MECOM: variants seen among roughly 807,000 people sequenced by gnomAD.
MECOM encodes the protein MDS1 and EVI1 complex locus.
In MECOM, 13 loss-of-function variants were observed where a neutral mutation model predicts 116.3. The observed-to-expected ratio is 0.11, with a 90% CI of 0.07 to 0.18. MECOM has a LOEUF of 0.18. Ranked by LOEUF, MECOM falls within the 10% of genes least tolerant of loss-of-function variation. MECOM has a pLI of 1.00. For synonymous variants in MECOM, 528 were observed against 535.2 expected (o/e 0.99, Z 0.19); for missense variants, 1,299 against 1,509.0 (o/e 0.86, Z 2.31).
chr3:169,266,344 T>C (rs940374935), intron 2 of MECOM, among the ~76,000 whole-genome samples: 5 of 152,228 alleles, frequency 3.3e-5, no homozygotes, highest in Non-Finnish European at 7.3e-5. Context: ...ATTATGCTAT[T>C]GTTAGTCAAA....
intron 1 of MECOM, among the ~76,000 whole-genome samples, chr3:169,528,140 G>A (rs543509621): frequency 5.0e-4 from 76 of 152,220 alleles, no homozygotes; most frequent in Middle Eastern, 3.4e-3. Flanking sequence ...CCCATAAAAC[G>A]GAAATAATGA....
At chr3:169,107,564 C>G (rs749562419) in intron 10 of MECOM, among the ~76,000 whole-genome samples, 30 of 152,184 alleles carry the variant, frequency 2.0e-4, no homozygotes, top group Non-Finnish European at 2.9e-4. Flanking sequence ...TCAAAAGCAT[C>G]TTTACATGCT....
At chr3:169,272,945 G>A (rs755760265) in intron 2 of MECOM, among the ~76,000 whole-genome samples, 40 of 152,128 alleles carry the variant, frequency 2.6e-4, no homozygotes, top group Non-Finnish European at 8.8e-5. Context: ...GGAAAGAGCT[G>A]GAGCAAGGGT....
chr3:169,535,341 T>C (rs745822017), intron 1 of MECOM, among the ~76,000 whole-genome samples: 1 of 152,124 alleles, frequency 6.6e-6, no homozygotes, highest in African/African-American at 2.4e-5. Flanking sequence ...GTTGCTCCCA[T>C]ACCATTTTTG....
chr3:169,340,710 T>G (rs1215899268), intron 2 of MECOM, among the ~76,000 whole-genome samples: 1 of 152,186 alleles, frequency 6.6e-6, no homozygotes, highest in African/African-American at 2.4e-5. Flanking sequence ...ATTTAGCCAT[T>G]TGTTACTAAA....
chr3:169,630,800 A>G lies in MECOM; in HGVS notation c.37+32536T>C, dbSNP rs1440914795. ...GCAGCATTTTGAATCTTTCTCTACCATGTACTCAGCACCAATTCCATGAGC... is the reference window on the plus strand; with the variant it reads ...GCAGCATTTTGAATCTTTCTCTACCGTGTACTCAGCACCAATTCCATGAGC... On this transcript the variant is annotated intron_variant, in intron 1 of 16. Transcript: ENST00000651503. Among the ~76,000 whole-genome samples the G allele has an allele frequency of 1.1e-4, 17 of 152,306 alleles. No individual in the cohort carries two copies. In the East Asian group the frequency reaches 3.3e-3, roughly 29 times the overall value.
chr3:169,476,539 A>G (rs1353240027), intron 1 of MECOM, among the ~76,000 whole-genome samples: 1 of 152,196 alleles, frequency 6.6e-6, no homozygotes, highest in Non-Finnish European at 1.5e-5. Flanking sequence ...ATCATGGCCA[A>G]GAAATTTACT....
intron 1 of MECOM, among the ~76,000 whole-genome samples, chr3:169,633,974 C>T (rs970340885): frequency 6.6e-6 from 1 of 151,458 alleles, no homozygotes; most frequent in Non-Finnish European, 1.5e-5. Flanking sequence ...AACGGCATGG[C>T]TTGTGTCCAC....
intron 2 of MECOM, among the ~76,000 whole-genome samples, chr3:169,356,985 G>T (rs1029693428): frequency 6.6e-6 from 1 of 151,806 alleles, no homozygotes; most frequent in Non-Finnish European, 1.5e-5. Context: ...AGAGAAAAAT[G>T]ATCACAGAAT....
chr3:169,521,259 C>T (rs2109083998), intron 1 of MECOM, among the ~76,000 whole-genome samples: 1 of 152,286 alleles, frequency 6.6e-6, no homozygotes, highest in Middle Eastern at 3.4e-3. Flanking sequence ...TTCCCTACTC[C>T]TTACAGCTTT....
At chr3:169,313,770 T>A (rs560007199) in intron 2 of MECOM, among the ~76,000 whole-genome samples, 19 of 152,118 alleles carry the variant, frequency 1.2e-4, no homozygotes, top group African/African-American at 3.9e-4. Context: ...TTAAGAGAGG[T>A]GCAGAGGAAG....
At chr3:169,422,646 A>C (rs149860017) in intron 1 of MECOM, among the ~76,000 whole-genome samples, 136 of 152,206 alleles carry the variant, frequency 8.9e-4, no homozygotes, top group African/African-American at 3.2e-3. Context: ...GATATAGAAC[A>C]CTAAAATTTT....
At chr3:169,289,496 A>G (rs181683587) in intron 2 of MECOM, among the ~76,000 whole-genome samples, 30 of 151,426 alleles carry the variant, frequency 2.0e-4, no homozygotes, top group Admixed American at 1.6e-3. Context: ...ATATGGATGA[A>G]CCTCTTTGCT....
At chr3:169,213,108 T>A (rs1157733635) in intron 2 of MECOM, among the ~76,000 whole-genome samples, 2 of 151,986 alleles carry the variant, frequency 1.3e-5, no homozygotes, top group Admixed American at 1.3e-4. Context: ...CTATTTGAAA[T>A]TTACCTATTT....
At chr3:169,194,795 A>T (rs557761578) in intron 2 of MECOM, among the ~76,000 whole-genome samples, 1 of 152,230 alleles carries the variant, frequency 6.6e-6, no homozygotes, top group African/African-American at 2.4e-5. Context: ...CATCCGCCAA[A>T]GTAGTATCAG....
chr3:169,651,027 G>A (rs1175550545), intron 1 of MECOM, among the ~76,000 whole-genome samples: 1 of 152,168 alleles, frequency 6.6e-6, no homozygotes, highest in African/African-American at 2.4e-5. Flanking sequence ...GCTCTGACTA[G>A]GACTTCCAGT....
chr3:169,432,048 T>A (rs1030222281), intron 1 of MECOM, among the ~76,000 whole-genome samples: 1 of 152,044 alleles, frequency 6.6e-6, no homozygotes, highest in Non-Finnish European at 1.5e-5. Flanking sequence ...GTCTACAAAC[T>A]GACTGTAGGC....
chr3:169,378,470 C>G lies in MECOM; in HGVS notation c.375+2717G>C. ...GAAAGAAGGAAAGCAAGCAAGCAAG[C>G]AAGCAAGAAAGAGAGAGAGAAAGAA... On this transcript the variant is annotated intron_variant, in intron 2 of 16. Coordinates refer to ENST00000651503, the MANE Select transcript of MECOM (RefSeq NM_004991.4). Among the ~76,000 whole-genome samples the G allele has an allele frequency of 6.1e-5, 2 of 32,798 alleles. 1 individual carries two copies. The highest frequency in any genetic ancestry group is 7.9e-4 in the Admixed American group (2 of 2,538). 21.5% of individuals were successfully genotyped at this position (32,798 alleles called of 152,430 possible).
At chr3:169,252,124 G>T (rs951655105) in intron 2 of MECOM, among the ~76,000 whole-genome samples, 1 of 151,978 alleles carries the variant, frequency 6.6e-6, no homozygotes, top group Admixed American at 6.6e-5. Context: ...AGATGGCTCT[G>T]GGCAAGATGA....
Sources: gnomAD v4.1 joint callset for allele counts (sites outside exome capture counted in the v4.1 genomes callset) on GRCh38, gnomAD v4.1.1 for gene constraint, MANE v1.5 for transcripts, NCBI Gene and HGNC (gene_info 2026-07-23, HGNC 2026-07-21) for gene names.